Variants in SLC15A4 observed in about 807,000 individuals in gnomAD.
SLC15A4 encodes hPHT1.
SLC15A4 carries 26 observed loss-of-function variants against 46.1 expected under a neutral mutation model. The ratio of observed to expected loss-of-function variants is 0.56; its 90% CI spans 0.41 to 0.78. The LOEUF (loss-of-function observed/expected upper bound fraction) is 0.78, where lower values mean the gene tolerates loss of function less well. Among genes scored for constraint, SLC15A4 ranks in the 30% least tolerant of loss-of-function variants. SLC15A4 has a pLI of 0.00. For missense variants in SLC15A4, 751 were observed against 755.7 expected (o/e 0.99, Z 0.07); for synonymous variants, 370 against 333.4 (o/e 1.11, Z -1.20).
intron 5 of SLC15A4, among the ~76,000 whole-genome samples, chr12:128,806,904 T>C (rs1593008887): frequency 7.1e-6 from 1 of 140,068 alleles, no homozygotes; most frequent in African/African-American, 2.8e-5. Context: ...TGCTAGCGCT[T>C]TTTTTTTTTT....
intron 2 of SLC15A4, 155 bp downstream of exon 2, chr12:128,814,620 C>T: frequency 1.3e-6 from 1 of 756,130 alleles, no homozygotes; most frequent in Non-Finnish European, 2.1e-6. Flanking sequence ...GCACCCGCCT[C>T]CTTGGGGAAA....
intron 4 of SLC15A4, 64 bp downstream of exon 4, chr12:128,809,332 G>T: frequency 9.8e-7 from 1 of 1,020,916 alleles, no homozygotes; most frequent in South Asian, 1.5e-5. Flanking sequence ...ACAGTTGGTA[G>T]AAGGAATCCA....
chr12:128,817,443 A>G (rs1037307898), intron 1 of SLC15A4, among the ~76,000 whole-genome samples: 1 of 152,260 alleles, frequency 6.6e-6, no homozygotes, highest in Non-Finnish European at 1.5e-5. Context: ...GCCAGTAAAC[A>G]TAGTATATAA....
In SLC15A4 at chr12:128,810,077, G is replaced by C; in HGVS notation, c.877C>G (p.Gln293Glu). The C allele has an allele frequency of 1.9e-6, 3 of 1,613,830 alleles. No individual in the cohort carries two copies. Among genetic ancestry groups the C allele is most frequent in the Non-Finnish European group, 2.5e-6 (3 of 1,179,942 alleles). Residue 293 changes from glutamine to glutamate, a missense_variant, in exon 3 of 8, where the codon CAA becomes GAA. Physicochemically the swap from Gln to Glu is conservative, Grantham distance 29. Coordinates refer to ENST00000266771, the MANE Select transcript of SLC15A4 (RefSeq NM_145648.4). ...GIGVFQQSSK[Q>E]SLFDSCKMSH... ...ATCTTACATGAATCAAACAGACTTT[G>C]TTTAGAAGATTGCTGAAAGACTCCA...
At chr12:128,809,783 CA>C in intron 3 of SLC15A4, 159 bp downstream of exon 3, 1 of 650,596 alleles carries the variant, frequency 1.5e-6, no homozygotes, top group Non-Finnish European at 2.5e-6. Flanking sequence ...TTAAAGCAGC[CA>C]AAATGACTCC....
Position 128,808,963 on chromosome 12 carries a change from T to G in SLC15A4, c.1090-7A>C, listed in dbSNP as rs1198259047. 1.9e-6 allele frequency: 3 copies of G among 1,610,848 alleles called. No homozygotes were observed. Reference sequence around the variant, plus strand: ...TCAGCCAGGCTGCAGGGAGCTGGGGTGAAACACAGGAGGAGGCGTTTACTC... The same window carrying G: ...TCAGCCAGGCTGCAGGGAGCTGGGGGGAAACACAGGAGGAGGCGTTTACTC... On this transcript the variant is annotated splice_region_variant and splice_polypyrimidine_tract_variant and intron_variant, in intron 4 of 7. Coordinates refer to ENST00000266771, the MANE Select transcript of SLC15A4 (RefSeq NM_145648.4).
intron 1 of SLC15A4, chr12:128,819,566 C>T (rs1322111195): frequency 1.3e-5 from 2 of 152,142 alleles, no homozygotes; most frequent in Non-Finnish European, 2.9e-5. Flanking sequence ...AGCTAATAGG[C>T]GGTCTACAAA....
chr12:128,815,988 T>C (rs556580566), intron 1 of SLC15A4: 2 of 152,330 alleles, frequency 1.3e-5, no homozygotes, highest in South Asian at 4.1e-4. Context: ...TCAGTAAACT[T>C]GAAGCAAAGA....
intron 2 of SLC15A4, among the ~76,000 whole-genome samples, chr12:128,810,733 GCTCT>G (rs1183963388): frequency 1.3e-5 from 2 of 152,094 alleles, no homozygotes; most frequent in South Asian, 2.1e-4. Context: ...GATGTCCCTG[GCTCT>G]GTCCCCTGAC....
chr12:128,809,818 G>C, intron 3 of SLC15A4, 125 bp downstream of exon 3: 1 of 964,226 alleles, frequency 1.0e-6, no homozygotes, highest in South Asian at 1.9e-5. Flanking sequence ...AAAATTCCAA[G>C]ATTCTGTAGA....
intron 5 of SLC15A4, among the ~76,000 whole-genome samples, chr12:128,805,826 A>G (rs1328676767): frequency 6.6e-6 from 1 of 152,196 alleles, no homozygotes; most frequent in Non-Finnish European, 1.5e-5. Flanking sequence ...AAAATCCATA[A>G]GCTAAGAGAT....
intron 5 of SLC15A4, among the ~76,000 whole-genome samples, chr12:128,806,315 A>G (rs936116898): frequency 6.6e-6 from 1 of 152,308 alleles, no homozygotes; most frequent in African/African-American, 2.4e-5. Flanking sequence ...TTGGGAAAGA[A>G]TCTTAAACGT....
chr12:128,809,295 G>A (rs558219935), intron 4 of SLC15A4, 101 bp downstream of exon 4: 92 of 735,494 alleles, frequency 1.3e-4, no homozygotes, highest in Admixed American at 3.0e-4. Context: ...CTTTTGTGTC[G>A]GTGCTGTTAA....
chr12:128,805,481 G>T (rs10773578), intron 5 of SLC15A4, among the ~76,000 whole-genome samples: 1 of 152,014 alleles, frequency 6.6e-6, no homozygotes, highest in East Asian at 1.9e-4. Context: ...AAAAGGTAGA[G>T]AACCTAAAGA....
rs1955486008 is a variant in SLC15A4 at position 128,799,294 on chromosome 12, T to C, written c.1538A>G (p.Lys513Arg). 3 of 1,614,022 alleles carry C rather than the reference T, an allele frequency of 1.9e-6. No individual in the cohort carries two copies. The highest frequency in any genetic ancestry group is 2.5e-6 in the Non-Finnish European group (3 of 1,180,032). ...GTGACTGCTCATCCATCCGATGGCT[T>C]TGATAGACACCAGTGCCAGCAGTCC... ...GSGLLALVSI[K>R]AIGWMSSHTD... Residue 513 changes from lysine to arginine, a missense_variant, in exon 7 of 8, where the codon AAA (lysine) becomes AGA (arginine). Physicochemically the swap from Lys to Arg is conservative, Grantham distance 26 (BLOSUM62 2). Transcript: ENST00000266771.
chr12:128,805,289 C>G lies in SLC15A4; in HGVS notation c.1258+3499G>C, dbSNP rs556893811. 3.3e-5 allele frequency among the ~76,000 whole-genome samples: 5 copies of G among 151,912 alleles called. No homozygotes were observed. The South Asian group carries it at 1.0e-3, about 32-fold the overall frequency. ...CCATTAAAATCAAGGATGAGACTAACGTTGAATCAAAGAAAAAGAGAAAAA... is the reference window on the plus strand; with the variant it reads ...CCATTAAAATCAAGGATGAGACTAAGGTTGAATCAAAGAAAAAGAGAAAAA... On this transcript the variant is annotated intron_variant, in intron 5 of 7. Transcript: ENST00000266771.
In SLC15A4 at chr12:128,805,409, T is replaced by C. The variant is rs1478949779; in HGVS notation, c.1258+3379A>G. On this transcript the variant is annotated intron_variant, in intron 5 of 7. Coordinates refer to ENST00000266771, the MANE Select transcript of SLC15A4 (RefSeq NM_145648.4). ...ATAGTTCACTGAAACTCACAGAATT[T>C]TATAAAATCCCATATATGAGGAACT... Among the ~76,000 whole-genome samples, 5 of 152,264 alleles carry C rather than the reference T, an allele frequency of 3.3e-5. No individual in the cohort carries two copies. The East Asian group carries it at 9.6e-4, about 29-fold the overall frequency.
chr12:128,804,120 A>G (rs1050889778), intron 5 of SLC15A4, among the ~76,000 whole-genome samples: 1 of 152,234 alleles, frequency 6.6e-6, no homozygotes. Context: ...ACATTTTGAG[A>G]GAGTGATATT....
At chr12:128,822,133 C>G (rs1279852976) in intron 1 of SLC15A4, among the ~76,000 whole-genome samples, 1 of 152,182 alleles carries the variant, frequency 6.6e-6, no homozygotes, top group Non-Finnish European at 1.5e-5. Context: ...AACGATCTGA[C>G]TTTGCTATTG....
Sources: allele counts gnomAD v4.1 joint callset (sites outside exome capture counted in the v4.1 genomes callset), GRCh38; gene constraint gnomAD v4.1.1; transcripts MANE v1.5; gene names NCBI Gene and HGNC (gene_info 2026-07-23, HGNC 2026-07-21).